The following NSD1 variants were observed in gnomAD, a reference collection of about 807,000 sequenced individuals.
NSD1 encodes histone-lysine N-methyltransferase, H3 lysine-36 specific.
NSD1 carries 26 observed loss-of-function variants against 242.7 expected under a neutral mutation model. That is an observed-to-expected ratio of 0.11 (90% CI 0.08 to 0.15). The LOEUF is 0.15. NSD1 is among the 10% of genes least tolerant of loss of function. The pLI, the probability that NSD1 is intolerant of heterozygous loss-of-function variation, is 1.00. For synonymous variants in NSD1, 1,106 were observed against 1,178.1 expected (o/e 0.94, Z 1.25); for missense variants, 2,495 against 3,272.8 (o/e 0.76, Z 5.80).
At chr5:177,271,298 A>G (rs932467759) in intron 16 of NSD1, among the ~76,000 whole-genome samples, 1 of 152,216 alleles carries the variant, frequency 6.6e-6, no homozygotes, top group Admixed American at 6.5e-5. Flanking sequence ...ATGAATGATT[A>G]CTAAGTGACT....
chr5:177,175,525 G>A lies in NSD1; in HGVS notation c.928-16359G>A, dbSNP rs148311032. Among the ~76,000 whole-genome samples, 263 of 152,106 alleles carry A rather than the reference G, an allele frequency of 1.7e-3. 2 individuals are homozygous for A. The highest frequency in any genetic ancestry group is 3.7e-3 in the African/African-American group (152 of 41,502). On this transcript the variant is annotated intron_variant, in intron 2 of 22. Transcript: ENST00000439151. ...TGTCATTAGTCCCAGCGACTTGGTG[G>A]GGCTGAGGTGGGAGGATCACTTGAG...
intron 14 of NSD1, 25 bp from the exon 15 acceptor site, chr5:177,267,537 A>G: frequency 6.2e-7 from 1 of 1,613,076 alleles, no homozygotes; most frequent in African/African-American, 1.3e-5. Flanking sequence ...TGTGATCTGA[A>G]TGCCACATTT....
At chr5:177,195,381 A>G (rs372506924) in intron 3 of NSD1, among the ~76,000 whole-genome samples, 1 of 152,118 alleles carries the variant, frequency 6.6e-6, no homozygotes, top group East Asian at 1.9e-4. Flanking sequence ...AAATTCTACT[A>G]CTAGAAAACT....
rs536289576 is a variant in NSD1 at position 177,266,447 on chromosome 5, G to A, written c.5147-1115G>A. The A allele has an allele frequency of 1.9e-4, 117 of 615,320 alleles. 1 individual carries two copies. The highest frequency in any genetic ancestry group is 1.9e-3 in the South Asian group (116 of 62,522). The allele number at this position is 615,320 out of a possible 1,614,324, so 38.1% of individuals were successfully genotyped here. A position where few individuals can be genotyped will look rare whatever the true frequency, so the allele number is the denominator to read the frequency against. On this transcript the variant is annotated intron_variant, in intron 14 of 22. Coordinates refer to ENST00000439151, the MANE Select transcript of NSD1 (RefSeq NM_022455.5). ...TTGTCTTTAAAGAGGTGGCGGTTGT[G>A]AAACATGGAGTTGCCGAAGTGGGCG...
At position 177,210,872 on chromosome 5, in the gene NSD1, G is replaced by C. The variant is rs751977102; in HGVS notation, c.2473G>C (p.Ala825Pro). 3 of 1,614,056 alleles carry C rather than the reference G, an allele frequency of 1.9e-6. No individual in the cohort carries two copies. The highest frequency in any genetic ancestry group is 2.5e-6 in the Non-Finnish European group (3 of 1,180,038). Residue 825 changes from alanine (A) to proline (P), a missense_variant, in exon 5 of 23, where the codon GCC becomes CCC. Around this residue, in one of 19 missense-constraint regions of NSD1, gnomAD observed 515 missense variants for 467.0 expected, o/e 1.10. Coordinates refer to ENST00000439151, the MANE Select transcript of NSD1 (RefSeq NM_022455.5). ...TTCTGATACCAAAGGCTCTCCTTTG[G>C]CCAGCATTTCTAAAAGTGGGAAAGT... ...CSSDTKGSPL[A>P]SISKSGKVDG...
At chr5:177,185,841 TTAAA>T (rs1361671833) in intron 2 of NSD1, among the ~76,000 whole-genome samples, 1 of 82,240 alleles carries the variant, frequency 1.2e-5, no homozygotes, top group Non-Finnish European at 2.0e-5. Flanking sequence ...TTTTATATAT[TTAAA>T]TATATATTAT....
chr5:177,201,313 G>A (rs763324908), intron 3 of NSD1, among the ~76,000 whole-genome samples: 3 of 152,062 alleles, frequency 2.0e-5, no homozygotes, highest in Non-Finnish European at 2.9e-5. Context: ...GGGTTCAAGC[G>A]ATTCTTCTGC....
intron 3 of NSD1, among the ~76,000 whole-genome samples, chr5:177,197,302 G>C (rs1762173794): frequency 6.6e-6 from 1 of 150,902 alleles, no homozygotes; most frequent in African/African-American, 2.4e-5. Flanking sequence ...AAAATAAATT[G>C]GGTATTGTAA....
chr5:177,175,021 G>A (rs1325027237), intron 2 of NSD1, among the ~76,000 whole-genome samples: 4 of 151,058 alleles, frequency 2.6e-5, no homozygotes, highest in African/African-American at 4.9e-5. Context: ...ACAGGCACCC[G>A]CCACCACGCC....
At chr5:177,292,302 GA>G in intron 22 of NSD1, 144 bp downstream of exon 22, 1 of 827,182 alleles carries the variant, frequency 1.2e-6, no homozygotes, top group African/African-American at 1.7e-5. Flanking sequence ...TCTTATTTTG[GA>G]AATAATGAAA....
At position 177,240,213 on chromosome 5, in the gene NSD1, G is replaced by A. The variant is rs551449460; in HGVS notation, c.4302+348G>A. On this transcript the variant is annotated intron_variant, in intron 8 of 22. Transcript: ENST00000439151. ...AATATCACTAGTCTACTCTCCTATTGCCGTGTCGTCGTAGCCCTTTTGTTT... is the reference window on the plus strand; with the variant it reads ...AATATCACTAGTCTACTCTCCTATTACCGTGTCGTCGTAGCCCTTTTGTTT... Among the ~76,000 whole-genome samples, 9 of 152,064 alleles carry A rather than the reference G, an allele frequency of 5.9e-5. No individual in the cohort carries two copies. In the South Asian group the frequency reaches 1.9e-3, roughly 32 times the overall value.
At chr5:177,162,068 T>C (rs917675561) in intron 2 of NSD1, among the ~76,000 whole-genome samples, 5 of 151,858 alleles carry the variant, frequency 3.3e-5, no homozygotes, top group Non-Finnish European at 7.4e-5. Flanking sequence ...GAGGCTGAGG[T>C]GGGCAGATCA....
chr5:177,155,095 A>G (rs112839648), intron 2 of NSD1, among the ~76,000 whole-genome samples: 13,580 of 151,342 alleles, frequency 0.09, 1,993 homozygotes, highest in African/African-American at 0.31. Context: ...GGTTCAAGTG[A>G]TTCTCCTGCC....
chr5:177,288,533 G>A (rs1355304706), intron 20 of NSD1: 1 of 356,268 alleles, frequency 2.8e-6, no homozygotes, highest in African/African-American at 2.1e-5. Flanking sequence ...AACATATTTT[G>A]AATCTGAATG....
At chr5:177,256,464 G>A (rs1224688505) in intron 12 of NSD1, among the ~76,000 whole-genome samples, 1 of 151,990 alleles carries the variant, frequency 6.6e-6, no homozygotes, top group Non-Finnish European at 1.5e-5. Context: ...TGTATGTTTA[G>A]TAGAGATGGA....
At chr5:177,185,892 TTTATATATTTTATATAA>T (rs1761130706) in intron 2 of NSD1, among the ~76,000 whole-genome samples, 2 of 81,578 alleles carry the variant, frequency 2.5e-5, no homozygotes, top group East Asian at 7.9e-4. Context: ...ATATAATATA[TTTATATATTTTATATAA>T]TTATATATAT....
At chr5:177,293,779 T>G in intron 22 of NSD1, 53 bp from the exon 23 acceptor site, 1 of 1,594,168 alleles carries the variant, frequency 6.3e-7, no homozygotes, top group Non-Finnish European at 8.6e-7. Flanking sequence ...CCTTGGCCCA[T>G]GTGATATGTA....
At chr5:177,199,466 A>G (rs1040616906) in intron 3 of NSD1, among the ~76,000 whole-genome samples, 2 of 152,130 alleles carry the variant, frequency 1.3e-5, no homozygotes, top group African/African-American at 4.8e-5. Context: ...TGTATTGCCC[A>G]TGCTTGTCTT....
At chr5:177,231,574 T>C (rs1255372509) in intron 5 of NSD1, among the ~76,000 whole-genome samples, 1 of 152,118 alleles carries the variant, frequency 6.6e-6, no homozygotes, top group East Asian at 1.9e-4. Context: ...ACTACAGGCA[T>C]ACGCCACTAC....
Sources: allele counts gnomAD v4.1 joint callset (sites outside exome capture counted in the v4.1 genomes callset), GRCh38; gene constraint gnomAD v4.1.1; regional missense constraint gnomAD v4.1.1; transcripts MANE v1.5; gene names NCBI Gene and HGNC (gene_info 2026-07-23, HGNC 2026-07-21).